Variants in ARHGAP15 observed in about 807,000 individuals in gnomAD.
ARHGAP15 encodes Rho GTPase activating protein 15, also known as rho GTPase-activating protein 15.
Under a neutral mutation model 63.7 loss-of-function variants are expected in ARHGAP15, and 51 were observed. The observed-to-expected ratio is 0.80, with a 90% CI of 0.64 to 1.01. The LOEUF is 1.01. ARHGAP15 is among the 50% of genes least tolerant of loss of function. ARHGAP15 has a pLI of 0.00. For synonymous variants in ARHGAP15, 191 were observed against 193.8 expected (o/e 0.99, Z 0.12); for missense variants, 560 against 564.6 (o/e 0.99, Z 0.08).
chr2:143,346,238 A>T lies in ARHGAP15; in HGVS notation c.475-89363A>T, dbSNP rs12997916. ...CTCTCTCTCACACACACTCTCTCTCACACACACACACTCACACACACACAC... is the reference window on the plus strand; with the variant it reads ...CTCTCTCTCACACACACTCTCTCTCTCACACACACACTCACACACACACAC... On this transcript the variant is annotated intron_variant, in intron 6 of 13. Transcript: ENST00000295095. Among the ~76,000 whole-genome samples, 403 of 140,928 alleles carry T rather than the reference A, an allele frequency of 2.9e-3. 1 individual carries two copies. The highest frequency in any genetic ancestry group is 7.1e-3 in the Middle Eastern group (2 of 282). 92.5% of individuals were successfully genotyped at this position (140,928 alleles called of 152,430 possible).
intron 12 of ARHGAP15, among the ~76,000 whole-genome samples, chr2:143,687,912 A>C (rs764329728): frequency 1.4e-4 from 22 of 152,148 alleles, no homozygotes; most frequent in Admixed American, 6.5e-5. Context: ...TGCTTAGCAA[A>C]ATTATATGGT....
At chr2:143,602,423 ATGGCTCCC>A (rs1422518282) in intron 11 of ARHGAP15, among the ~76,000 whole-genome samples, 1 of 152,142 alleles carries the variant, frequency 6.6e-6, no homozygotes, top group Non-Finnish European at 1.5e-5. Context: ...TCCAAAAAGG[ATGGCTCCC>A]TGGGAAATGC....
chr2:143,463,410 C>T (rs1272092582), intron 8 of ARHGAP15, among the ~76,000 whole-genome samples: 3 of 151,948 alleles, frequency 2.0e-5, no homozygotes, highest in South Asian at 2.1e-4. Flanking sequence ...GGTGTAGTGG[C>T]GGGCACCTGT....
intron 6 of ARHGAP15, among the ~76,000 whole-genome samples, chr2:143,403,237 C>G (rs963612361): frequency 6.6e-6 from 1 of 151,236 alleles, no homozygotes; most frequent in Non-Finnish European, 1.5e-5. Context: ...CCAATAAGAC[C>G]GTTTGATTTC....
intron 2 of ARHGAP15, among the ~76,000 whole-genome samples, chr2:143,191,551 C>A (rs999500561): frequency 2.0e-4 from 30 of 152,122 alleles, no homozygotes; most frequent in Non-Finnish European, 4.3e-4. Context: ...CCTCAAGAGT[C>A]CCTTGATAGG....
chr2:143,740,689 T>A (rs563401598), intron 13 of ARHGAP15, among the ~76,000 whole-genome samples: 5 of 152,210 alleles, frequency 3.3e-5, no homozygotes, highest in African/African-American at 1.2e-4. Context: ...GGCAGTTTGC[T>A]GTCTTATTGT....
At chr2:143,207,015 T>A (rs902831821) in intron 3 of ARHGAP15, among the ~76,000 whole-genome samples, 4 of 151,378 alleles carry the variant, frequency 2.6e-5, no homozygotes, top group Non-Finnish European at 4.4e-5. Flanking sequence ...ACATAAAAAA[T>A]TATAATATAT....
At chr2:143,601,094 G>A (rs575147764) in intron 11 of ARHGAP15, among the ~76,000 whole-genome samples, 3 of 152,204 alleles carry the variant, frequency 2.0e-5, no homozygotes, top group Non-Finnish European at 4.4e-5. Flanking sequence ...GGCGGTAGAA[G>A]TCCCTAAACT....
intron 5 of ARHGAP15, among the ~76,000 whole-genome samples, chr2:143,235,649 T>C (rs549760167): frequency 1.3e-5 from 2 of 152,318 alleles, no homozygotes; most frequent in East Asian, 3.9e-4. Flanking sequence ...GCCAGGCCTA[T>C]TGTAGGGCCA....
intron 5 of ARHGAP15, among the ~76,000 whole-genome samples, chr2:143,250,176 A>G (rs1213316240): frequency 1.3e-5 from 2 of 152,096 alleles, no homozygotes; most frequent in African/African-American, 4.8e-5. Flanking sequence ...GACATTGAAG[A>G]GCAATATTCC....
chr2:143,281,838 C>A (rs1394474856), intron 6 of ARHGAP15, among the ~76,000 whole-genome samples: 3 of 152,088 alleles, frequency 2.0e-5, no homozygotes, highest in Admixed American at 1.3e-4. Flanking sequence ...TCACTTTATT[C>A]CTTTTTTATG....
At chr2:143,685,075 A>G (rs1683268221) in intron 12 of ARHGAP15, among the ~76,000 whole-genome samples, 1 of 152,176 alleles carries the variant, frequency 6.6e-6, no homozygotes, top group African/African-American at 2.4e-5. Flanking sequence ...ATGGACTGCA[A>G]GCTACCTGTT....
At chr2:143,706,994 A>C (rs558471617) in intron 13 of ARHGAP15, among the ~76,000 whole-genome samples, 1 of 152,282 alleles carries the variant, frequency 6.6e-6, no homozygotes, top group African/African-American at 2.4e-5. Context: ...AGTGGGAAGG[A>C]GGACCTAGCA....
chr2:143,474,250 A>G (rs927849254), intron 8 of ARHGAP15, among the ~76,000 whole-genome samples: 1 of 152,204 alleles, frequency 6.6e-6, no homozygotes, highest in African/African-American at 2.4e-5. Context: ...AAAGAAATGG[A>G]TAAAAGCAAA....
intron 10 of ARHGAP15, among the ~76,000 whole-genome samples, chr2:143,524,387 T>G (rs1165354774): frequency 6.6e-6 from 1 of 152,180 alleles, no homozygotes; most frequent in Admixed American, 6.6e-5. Flanking sequence ...TAGCAAACAC[T>G]TTTTCATTTC....
At chr2:143,704,657 C>T (rs566359751) in intron 13 of ARHGAP15, among the ~76,000 whole-genome samples, 5 of 152,192 alleles carry the variant, frequency 3.3e-5, no homozygotes, top group South Asian at 2.1e-4. Flanking sequence ...CAGAGTGCAA[C>T]GCAAGTTATG....
chr2:143,283,604 G>A (rs1327086071), intron 6 of ARHGAP15, among the ~76,000 whole-genome samples: 1 of 152,188 alleles, frequency 6.6e-6, no homozygotes, highest in Non-Finnish European at 1.5e-5. Flanking sequence ...TTGCACTGCT[G>A]TCATGCCAAG....
chr2:143,721,936 C>T (rs1462233541), intron 13 of ARHGAP15, among the ~76,000 whole-genome samples: 2 of 152,156 alleles, frequency 1.3e-5, no homozygotes, highest in African/African-American at 2.4e-5. Context: ...ATCCACCGGC[C>T]TCGGCCTCGG....
chr2:143,757,336 C>G (rs1686614234), intron 13 of ARHGAP15, among the ~76,000 whole-genome samples: 1 of 151,898 alleles, frequency 6.6e-6, no homozygotes, highest in South Asian at 2.1e-4. Context: ...ATAGGGAAAC[C>G]CCGTCTCTAC....
Sources: gnomAD v4.1 joint callset for allele counts (sites outside exome capture counted in the v4.1 genomes callset) on GRCh38, gnomAD v4.1.1 for gene constraint, MANE v1.5 for transcripts, NCBI Gene and HGNC (gene_info 2026-07-23, HGNC 2026-07-21) for gene names.